The following NETO1 variants were observed in gnomAD, a reference collection of about 807,000 sequenced individuals.
NETO1 encodes neuropilin and tolloid like 1.
A neutral mutation model predicts 61.3 loss-of-function variants in NETO1; 26 were observed. That is an observed-to-expected ratio of 0.42 (90% confidence interval 0.31 to 0.59). The LOEUF (loss-of-function observed/expected upper bound fraction) is 0.59. NETO1 is among the 20% of genes least tolerant of loss of function. The pLI is 0.12. For missense variants in NETO1, 531 were observed against 662.8 expected (o/e 0.80, Z 2.18); for synonymous variants, 225 against 225.8 (o/e 1.00, Z 0.03).
At chr18:72,773,989 C>T (rs1450479083) in intron 7 of NETO1, among the ~76,000 whole-genome samples, 1 of 151,732 alleles carries the variant, frequency 6.6e-6, no homozygotes, top group Non-Finnish European at 1.5e-5. Flanking sequence ...ACTTGATAGT[C>T]TTTTGTCACG....
intron 7 of NETO1, among the ~76,000 whole-genome samples, chr18:72,761,868 G>C (rs1451435645): frequency 6.6e-6 from 1 of 152,046 alleles, no homozygotes; most frequent in Non-Finnish European, 1.5e-5. Context: ...TTTTGCTGAG[G>C]AGAGGACCTT....
chr18:72,832,536 C>T (rs1333432934), intron 4 of NETO1, among the ~76,000 whole-genome samples: 1 of 152,058 alleles, frequency 6.6e-6, no homozygotes, highest in African/African-American at 2.4e-5. Flanking sequence ...TTTTATTAAC[C>T]CATACATTGC....
At chr18:72,763,554 TCA>T (rs1228892740) in intron 7 of NETO1, among the ~76,000 whole-genome samples, 1 of 151,942 alleles carries the variant, frequency 6.6e-6, no homozygotes, top group Admixed American at 6.6e-5. Context: ...ACAGGCTGTC[TCA>T]CACACAGAGT....
intron 4 of NETO1, among the ~76,000 whole-genome samples, chr18:72,826,418 A>AT (rs147351914): frequency 0.023 from 3,542 of 151,418 alleles, 139 homozygotes; most frequent in African/African-American, 0.081. Flanking sequence ...TCTTGCTGGG[A>AT]TTTTTTCCTC....
chr18:72,867,069 C>G (rs2074760333), intron 1 of NETO1, 195 bp downstream of exon 1: 2 of 473,698 alleles, frequency 4.2e-6, no homozygotes, highest in East Asian at 7.1e-5. Context: ...GATCCGGCGA[C>G]GGCTGACCGC....
intron 4 of NETO1, among the ~76,000 whole-genome samples, chr18:72,845,949 CA>C (rs147361316): frequency 0.081 from 12,328 of 152,030 alleles, 677 homozygotes; most frequent in African/African-American, 0.15. Context: ...AAGTCTAGCA[CA>C]ATGAACATAA....
chr18:72,789,919 C>A lies in NETO1; in HGVS notation c.639+4198G>T, dbSNP rs185329029. Among the ~76,000 whole-genome samples, 934 of 152,274 alleles carry A rather than the reference C, an allele frequency of 6.1e-3. 13 individuals carry two copies. Among genetic ancestry groups the A allele is most frequent in the African/African-American group, 0.021 (871 of 41,544 alleles). Reference sequence around the variant, plus strand: ...ACTGGTAACCTTAATCACATAGGCACATTTATCATATTCACAATCCCAGCA... The same window carrying A: ...ACTGGTAACCTTAATCACATAGGCAAATTTATCATATTCACAATCCCAGCA... On this transcript the variant is annotated intron_variant, in intron 6 of 10. Transcript: ENST00000327305.
At chr18:72,834,907 C>T in intron 4 of NETO1, 1 of 785,496 alleles carries the variant, frequency 1.3e-6, no homozygotes, top group Non-Finnish European at 1.5e-6. Flanking sequence ...TAATTATAAT[C>T]TTTTAATATC....
chr18:72,839,606 C>A (rs1192805285), intron 4 of NETO1, among the ~76,000 whole-genome samples: 5 of 30,934 alleles, frequency 1.6e-4, no homozygotes, highest in Non-Finnish European at 3.9e-4. Context: ...ATAACTTTCT[C>A]TTATTTCAAT....
chr18:72,835,119 A>G (rs1169987138), intron 4 of NETO1: 13 of 1,202,962 alleles, frequency 1.1e-5, no homozygotes, highest in Non-Finnish European at 2.1e-6. Context: ...AAGTCCGAAT[A>G]TGTGGCAAAC....
chr18:72,773,184 T>C (rs2071433567), intron 7 of NETO1, among the ~76,000 whole-genome samples: 1 of 151,916 alleles, frequency 6.6e-6, no homozygotes, highest in Non-Finnish European at 1.5e-5. Flanking sequence ...TCACCTGTAG[T>C]TCTCCAAATC....
chr18:72,829,230 A>G (rs1180093948), intron 4 of NETO1, among the ~76,000 whole-genome samples: 1 of 152,236 alleles, frequency 6.6e-6, no homozygotes, highest in East Asian at 1.9e-4. Flanking sequence ...GATAACATCT[A>G]AATAAGCGAA....
intron 7 of NETO1, among the ~76,000 whole-genome samples, chr18:72,761,103 G>GT (rs1488592752): frequency 6.6e-6 from 1 of 152,168 alleles, no homozygotes; most frequent in African/African-American, 2.4e-5. Flanking sequence ...GATATAAAAT[G>GT]TTAAGATGTA....
intron 4 of NETO1, among the ~76,000 whole-genome samples, chr18:72,828,836 G>A (rs1410765324): frequency 6.6e-6 from 1 of 152,172 alleles, no homozygotes; most frequent in Non-Finnish European, 1.5e-5. Flanking sequence ...GGTCTACTAA[G>A]ATCTGGGAGA....
intron 4 of NETO1, among the ~76,000 whole-genome samples, chr18:72,848,230 T>C (rs1336750008): frequency 6.6e-6 from 1 of 152,182 alleles, no homozygotes; most frequent in Non-Finnish European, 1.5e-5. Flanking sequence ...GACACCATTA[T>C]GTGTCATTTT....
chr18:72,826,528 CT>C (rs141431040), intron 4 of NETO1, among the ~76,000 whole-genome samples: 3 of 151,552 alleles, frequency 2.0e-5, no homozygotes, highest in East Asian at 3.9e-4. Flanking sequence ...TCTTATACCA[CT>C]TTTTTTTCAC....
intron 6 of NETO1, among the ~76,000 whole-genome samples, chr18:72,793,855 C>CA (rs2072221581): frequency 6.6e-6 from 1 of 152,176 alleles, no homozygotes; most frequent in Non-Finnish European, 1.5e-5. Flanking sequence ...ATCCATGTTT[C>CA]AGAGAGGTCG....
chr18:72,857,932 C>T (rs952858461), intron 4 of NETO1, among the ~76,000 whole-genome samples: 16 of 151,982 alleles, frequency 1.1e-4, no homozygotes, highest in African/African-American at 3.6e-4. Flanking sequence ...AACTGAGTAT[C>T]AAAGCTGTAT....
chr18:72,749,343 T>C (rs11873597), intron 9 of NETO1, among the ~76,000 whole-genome samples: 109,707 of 151,952 alleles, frequency 0.72, 39,991 homozygotes, highest in African/African-American at 0.79. Flanking sequence ...GACAAGATTT[T>C]GGAATTTAAA....
Sources: gnomAD v4.1 joint callset for allele counts (sites outside exome capture counted in the v4.1 genomes callset) on GRCh38, gnomAD v4.1.1 for gene constraint, MANE v1.5 for transcripts, NCBI Gene and HGNC (gene_info 2026-07-23, HGNC 2026-07-21) for gene names.